The following CEP192 variants were observed in gnomAD, a reference collection of about 807,000 sequenced individuals.
CEP192 encodes the protein centrosomal protein of 192 kDa.
A neutral mutation model predicts 271.8 loss-of-function variants in CEP192; 151 were observed. The observed-to-expected ratio is 0.56, with a 90% confidence interval of 0.49 to 0.64. The LOEUF (loss-of-function observed/expected upper bound fraction) is 0.64, where lower values mean the gene tolerates loss of function less well. Among genes scored for constraint, CEP192 ranks in the 30% least tolerant of loss-of-function variants. CEP192 has a pLI of 0.00. For missense variants in CEP192, 2,910 were observed against 3,020.5 expected, an observed-to-expected ratio of 0.96 and a Z score of 0.86; for synonymous variants, 995 against 1,076.5, an observed-to-expected ratio of 0.92 and a Z score of 1.48.
At chr18:13,041,205 T>A (rs1346935743) in intron 14 of CEP192, among the ~76,000 whole-genome samples, 2 of 152,218 alleles carry the variant, frequency 1.3e-5, no homozygotes, top group Non-Finnish European at 2.9e-5. Flanking sequence ...TCAGATGGGC[T>A]AGTTAATGTT....
At chr18:13,024,527 A>G (rs959869968) in intron 9 of CEP192, among the ~76,000 whole-genome samples, 1 of 151,972 alleles carries the variant, frequency 6.6e-6, no homozygotes, top group Non-Finnish European at 1.5e-5. Flanking sequence ...CAGTGGTGCA[A>G]TCTCGGCTCA....
intron 9 of CEP192, among the ~76,000 whole-genome samples, chr18:13,021,259 T>C (rs1303164626): frequency 6.6e-6 from 1 of 152,184 alleles, no homozygotes; most frequent in East Asian, 1.9e-4. Context: ...AAGAAAACGA[T>C]TGTTGATTTG....
chr18:13,084,123 C>T (rs1003753377), intron 30 of CEP192, among the ~76,000 whole-genome samples: 1 of 152,160 alleles, frequency 6.6e-6, no homozygotes, highest in African/African-American at 2.4e-5. Flanking sequence ...AGAGCTCAAA[C>T]GTCATGCTGG....
chr18:13,089,537 A>G lies in CEP192; in HGVS notation c.6075A>G (p.Ala2025=), dbSNP rs761080411. The G allele has an allele frequency of 1.3e-6, 2 of 1,587,118 alleles. No individual in the cohort carries two copies. The highest frequency in any genetic ancestry group is 8.6e-7 in the Non-Finnish European group (1 of 1,158,512). Reference sequence around the variant, plus strand: ...TTCAAAACATTAATTTTGTTGAAGCATTTCAAGATGAGCTATTAGTAACTG... The same window carrying G: ...TTCAAAACATTAATTTTGTTGAAGCGTTTCAAGATGAGCTATTAGTAACTG... ...SVLQNINFVE[A]FQDELLVTEV... is the part of the protein sequence containing the mutation. The change falls in exon 33 of 45, where the codon GCA becomes GCG. Residue 2025 remains alanine, a synonymous_variant. Coordinates refer to ENST00000506447, the MANE Select transcript of CEP192 (RefSeq NM_032142.4).
At chr18:13,072,901 C>G in intron 29 of CEP192, 56 bp downstream of exon 29, 10 of 1,517,100 alleles carry the variant, frequency 6.6e-6, no homozygotes, top group Non-Finnish European at 9.1e-6. Flanking sequence ...GGAACACTTG[C>G]ATATGCAGAC....
chr18:13,039,371 C>T (rs2036080206), intron 13 of CEP192, among the ~76,000 whole-genome samples: 1 of 151,604 alleles, frequency 6.6e-6, no homozygotes, highest in African/African-American at 2.4e-5. Flanking sequence ...AGGAGAATTG[C>T]TCGAACCCAG....
chr18:13,036,295 C>T (rs541447122), intron 11 of CEP192, among the ~76,000 whole-genome samples: 1 of 152,192 alleles, frequency 6.6e-6, no homozygotes, highest in South Asian at 2.1e-4. Context: ...GTCTGCTTTT[C>T]TTTTGTCTTA....
intron 8 of CEP192, among the ~76,000 whole-genome samples, chr18:13,018,881 C>A (rs555708524): frequency 1.9e-4 from 29 of 152,096 alleles, no homozygotes; most frequent in African/African-American, 6.0e-4. Context: ...AATATGAATT[C>A]TTTGGGTATG....
At chr18:13,069,610 G>A (rs769900334) in intron 26 of CEP192, 128 bp from the exon 27 acceptor site, 6 of 669,458 alleles carry the variant, frequency 9.0e-6, no homozygotes, top group East Asian at 2.6e-5. Context: ...AGTTGAGACC[G>A]TGACAGACAA....
intron 15 of CEP192, among the ~76,000 whole-genome samples, chr18:13,048,356 T>A (rs1489915578): frequency 2.0e-5 from 3 of 152,162 alleles, no homozygotes; most frequent in Middle Eastern, 3.2e-3. Flanking sequence ...TCAGATCGAC[T>A]CTAGGGATGT....
At chr18:13,061,668 G>A (rs1449109477) in intron 21 of CEP192, among the ~76,000 whole-genome samples, 1 of 152,278 alleles carries the variant, frequency 6.6e-6, no homozygotes, top group Admixed American at 6.5e-5. Flanking sequence ...ATACTTCTCA[G>A]TCAGCTCTGC....
intron 34 of CEP192, among the ~76,000 whole-genome samples, chr18:13,092,904 C>G (rs139883412): frequency 6.6e-6 from 1 of 152,096 alleles, no homozygotes; most frequent in African/African-American, 2.4e-5. Flanking sequence ...CATGTAATCC[C>G]AGCACTTTGG....
intron 9 of CEP192, among the ~76,000 whole-genome samples, chr18:13,028,825 G>GT: frequency 6.6e-6 from 1 of 152,250 alleles, no homozygotes; most frequent in South Asian, 2.1e-4. Flanking sequence ...TGGCCTTGAT[G>GT]TTTATTTTTA....
intron 15 of CEP192, 103 bp downstream of exon 15, chr18:13,042,437 TTTTC>T: frequency 8.3e-7 from 1 of 1,198,014 alleles, no homozygotes; most frequent in Non-Finnish European, 1.2e-6. Flanking sequence ...GTTTAACATC[TTTTC>T]TTTCCTGGCT....
intron 40 of CEP192, among the ~76,000 whole-genome samples, chr18:13,108,023 A>G (rs2040037555): frequency 6.6e-6 from 1 of 152,192 alleles, no homozygotes. Flanking sequence ...GATCTTCAAC[A>G]AAGTCAACAA....
intron 9 of CEP192, among the ~76,000 whole-genome samples, chr18:13,029,401 C>T (rs2035486389): frequency 3.3e-5 from 5 of 152,152 alleles, no homozygotes; most frequent in Admixed American, 2.0e-4. Context: ...ATGTAATGCA[C>T]ACACAGAGCT....
At chr18:13,057,909 A>G (rs1348975636) in intron 20 of CEP192, 176 bp downstream of exon 20, 3 of 413,832 alleles carry the variant, frequency 7.2e-6, no homozygotes, top group African/African-American at 6.2e-5. Flanking sequence ...GTGTAAAGTG[A>G]AACAGTTTTG....
intron 30 of CEP192, among the ~76,000 whole-genome samples, chr18:13,076,601 G>A (rs1161666093): frequency 6.6e-6 from 1 of 152,184 alleles, no homozygotes; most frequent in Non-Finnish European, 1.5e-5. Context: ...CTTATAATGA[G>A]TGTTTTCAAA....
intron 21 of CEP192, among the ~76,000 whole-genome samples, chr18:13,061,192 G>A (rs1484810016): frequency 2.0e-5 from 3 of 152,068 alleles, no homozygotes; most frequent in South Asian, 2.1e-4. Context: ...GTGTGGTGGC[G>A]GGCGCCTGTA....
Sources: allele counts gnomAD v4.1 joint callset (sites outside exome capture counted in the v4.1 genomes callset), GRCh38; gene constraint gnomAD v4.1.1; transcripts MANE v1.5; gene names NCBI Gene and HGNC (gene_info 2026-07-23, HGNC 2026-07-21).